Variants in UBXN2A observed in about 807,000 individuals in gnomAD.
UBXN2A encodes the protein UBX domain-containing protein 2A.
Under a neutral mutation model 28.4 loss-of-function variants are expected in UBXN2A, and 28 were observed. The observed-to-expected ratio is 0.99, with a 90% CI of 0.73 to 1.35. UBXN2A has a LOEUF of 1.35. UBXN2A is among the 40% of genes most tolerant of loss of function. UBXN2A has a pLI of 0.00. For missense variants in UBXN2A, 253 were observed against 297.9 expected, an observed-to-expected ratio of 0.85 and a Z score of 1.11; for synonymous variants, 97 against 103.6, an observed-to-expected ratio of 0.94 and a Z score of 0.39.
At chr2:23,966,502 G>C (rs1707174474) in intron 2 of UBXN2A, among the ~76,000 whole-genome samples, 1 of 149,376 alleles carries the variant, frequency 6.7e-6, no homozygotes, top group Non-Finnish European at 1.5e-5. Context: ...GCCCAGGCTG[G>C]AGTGCGGTGG....
In UBXN2A at chr2:23,982,998, C is replaced by T; in HGVS notation, c.390C>T (p.Phe130=). The change falls in exon 5 of 7, where the codon TTC becomes TTT. Residue 130 remains phenylalanine, a synonymous_variant. Transcript: ENST00000309033. ...TATGTTTGTCTACGAAGCCTGTGTT[C>T]CAGCCCTTTTCAGGACAGGGTCACA... ...NEICLSTKPV[F]QPFSGQGHRL... is the part of the protein sequence containing the mutation. 6.2e-7 allele frequency: 1 copy of T among 1,609,896 alleles called. No homozygotes were observed. Among genetic ancestry groups the T allele is most frequent in the Non-Finnish European group, 8.5e-7 (1 of 1,177,766 alleles).
chr2:23,968,113 A>G (rs1321103744), intron 2 of UBXN2A, among the ~76,000 whole-genome samples: 2 of 152,114 alleles, frequency 1.3e-5, no homozygotes, highest in Non-Finnish European at 2.9e-5. Flanking sequence ...GCTATTCTCC[A>G]TGACAGTCTA....
At chr2:23,997,162 T>G (rs1413476833) in intron 6 of UBXN2A, 1 of 152,214 alleles carries the variant, frequency 6.6e-6, no homozygotes, top group African/African-American at 2.4e-5. Flanking sequence ...GCTCAAGTGA[T>G]CCTCCTGCTT....
chr2:23,969,898 A>G (rs766403879), intron 2 of UBXN2A, among the ~76,000 whole-genome samples: 7 of 152,312 alleles, frequency 4.6e-5, no homozygotes, highest in African/African-American at 1.7e-4. Context: ...CAAAAATGCA[A>G]TTGTTCCTGA....
chr2:23,933,626 G>T (rs1030741763), intron 1 of UBXN2A, among the ~76,000 whole-genome samples: 1 of 152,340 alleles, frequency 6.6e-6, no homozygotes, highest in Middle Eastern at 3.4e-3. Flanking sequence ...GGGGGCTGAG[G>T]CAGGAGGATC....
At chr2:23,947,103 A>T (rs1442425136) in intron 1 of UBXN2A, among the ~76,000 whole-genome samples, 1 of 152,082 alleles carries the variant, frequency 6.6e-6, no homozygotes, top group African/African-American at 2.4e-5. Context: ...GCCTAGGCTG[A>T]TCTTGAACTC....
intron 2 of UBXN2A, among the ~76,000 whole-genome samples, chr2:23,960,205 G>A (rs1236154620): frequency 1.3e-5 from 2 of 151,810 alleles, no homozygotes; most frequent in Admixed American, 6.6e-5. Flanking sequence ...GCAGTGAGTC[G>A]AGATCGCGCC....
At chr2:23,957,167 G>A (rs1706667614) in intron 1 of UBXN2A, among the ~76,000 whole-genome samples, 1 of 151,886 alleles carries the variant, frequency 6.6e-6, no homozygotes, top group Admixed American at 6.6e-5. Context: ...GGTGCATAGG[G>A]CTGTTGCCCA....
intron 2 of UBXN2A, among the ~76,000 whole-genome samples, chr2:23,963,352 T>C (rs1273603374): frequency 6.6e-6 from 1 of 150,990 alleles, no homozygotes; most frequent in African/African-American, 2.4e-5. Context: ...CTGTCTCTAC[T>C]AAAAATACAA....
upstream of UBXN2A, among the ~76,000 whole-genome samples, chr2:23,937,056 G>A (rs986552267): frequency 1.1e-4 from 17 of 151,672 alleles, no homozygotes; most frequent in African/African-American, 3.6e-4. Context: ...ATAGAGTCTC[G>A]CTATGTTGCC....
chr2:23,953,615 A>C (rs1156275459), intron 1 of UBXN2A, among the ~76,000 whole-genome samples: 2 of 152,202 alleles, frequency 1.3e-5, no homozygotes, highest in African/African-American at 4.8e-5. Context: ...ATCAAAATCG[A>C]AATATGGTCC....
chr2:23,940,367 G>T (rs557605019), upstream of UBXN2A: 3 of 151,690 alleles, frequency 2.0e-5, no homozygotes, highest in Admixed American at 2.0e-4. Flanking sequence ...GTTCCCGCCG[G>T]GACTTGAAGC....
At chr2:23,987,503 G>A (rs1708177317) in intron 6 of UBXN2A, among the ~76,000 whole-genome samples, 2 of 152,214 alleles carry the variant, frequency 1.3e-5, no homozygotes. Context: ...AAAGGACCTG[G>A]CACGGTGGCT....
chr2:23,977,179 A>G (rs758406021), intron 4 of UBXN2A, 104 bp downstream of exon 4: 1 of 831,128 alleles, frequency 1.2e-6, no homozygotes, highest in East Asian at 2.6e-5. Flanking sequence ...GCCGGGGAAC[A>G]TAGCCAGACC....
At chr2:23,998,593 G>A (rs562083563) in intron 6 of UBXN2A, among the ~76,000 whole-genome samples, 6 of 152,170 alleles carry the variant, frequency 3.9e-5, no homozygotes, top group African/African-American at 9.6e-5. Flanking sequence ...GGTGGCAGGC[G>A]CCTATAATCC....
At chr2:23,958,506 C>A in intron 2 of UBXN2A, 151 bp downstream of exon 2, 1 of 650,224 alleles carries the variant, frequency 1.5e-6, no homozygotes, top group Non-Finnish European at 2.3e-6. Flanking sequence ...AATTTTTTTA[C>A]CATAGCTGCA....
At chr2:23,993,720 G>C (rs1708434442) in intron 6 of UBXN2A, among the ~76,000 whole-genome samples, 1 of 130,070 alleles carries the variant, frequency 7.7e-6, no homozygotes. Flanking sequence ...ACAGAGTCTT[G>C]CTCTGTCACC....
Position 23,971,321 on chromosome 2 carries a change from A to G in UBXN2A, c.87A>G (p.Gln29=), listed in dbSNP as rs780916623. ...GSDNQPLGNN[Q]QSNCEYFVDS... ...ATAATCAACCTCTTGGTAATAATCA[A>G]CAATCAAATTGTGAATATTTTGTTG... Residue 29 remains glutamine (Q), a synonymous_variant, in exon 3 of 7, where the codon CAA becomes CAG. Coordinates refer to ENST00000309033, the MANE Select transcript of UBXN2A (RefSeq NM_181713.4). 3 of 1,575,924 alleles carry G rather than the reference A, an allele frequency of 1.9e-6. 1 individual carries two copies. In the Middle Eastern group the frequency reaches 5.1e-4, roughly 267 times the overall value.
At chr2:23,966,246 C>A (rs1229230687) in intron 2 of UBXN2A, among the ~76,000 whole-genome samples, 1 of 152,000 alleles carries the variant, frequency 6.6e-6, no homozygotes, top group East Asian at 1.9e-4. Context: ...TCAAGCATTT[C>A]TCCTGCCTCA....
Sources: allele counts gnomAD v4.1 joint callset (sites outside exome capture counted in the v4.1 genomes callset), GRCh38; gene constraint gnomAD v4.1.1; transcripts MANE v1.5; gene names NCBI Gene and HGNC (gene_info 2026-07-23, HGNC 2026-07-21).